MMUT: variants seen among roughly 807,000 people sequenced by gnomAD.
MMUT encodes methylmalonyl-CoA mutase, also known as methylmalonyl-CoA mutase, mitochondrial.
A neutral mutation model predicts 79.9 loss-of-function variants in MMUT; 79 were observed. The observed-to-expected ratio is 0.99, with a 90% CI of 0.82 to 1.19. MMUT has a LOEUF of 1.19. Ranked by LOEUF, MMUT falls within the 50% of genes most tolerant of loss-of-function variation. The probability of loss-of-function intolerance (pLI) is 0.00; values close to 1 mark genes in which losing one functional copy is unlikely to be tolerated. For synonymous variants in MMUT, 273 were observed against 295.7 expected (o/e 0.92, Z 0.79); for missense variants, 860 against 917.2 (o/e 0.94, Z 0.81).
intron 4 of MMUT, among the ~76,000 whole-genome samples, chr6:49,455,167 T>C (rs1767655656): frequency 1.3e-5 from 2 of 152,100 alleles, no homozygotes; most frequent in African/African-American, 4.8e-5. Flanking sequence ...ATCATTGTTT[T>C]ACATTTTTGC....
In MMUT at chr6:49,431,461, A is replaced by G. The variant is rs1766969886; in HGVS notation, c.*267T>C. On this transcript the variant is annotated 3_prime_UTR_variant, in exon 13 of 13. Transcript: ENST00000274813. ...TAAATACATCACCATGATTTTTAAA[A>G]ATAATACCATTGTCCAGAGTTCTTG... is the stretch of plus-strand genomic sequence containing the variant. The G allele has an allele frequency of 1.7e-5, 4 of 232,398 alleles. No homozygotes were observed. The East Asian group carries it at 3.8e-4, about 22-fold the overall frequency. 14.4% of individuals were successfully genotyped at this position (232,398 alleles called of 1,614,324 possible).
Position 49,441,487 on chromosome 6 carries a change from AGG to A in MMUT, c.1808+351_1808+352del, listed in dbSNP as rs1767272005. On this transcript the variant is annotated intron_variant, in intron 10 of 12. Coordinates refer to ENST00000274813, the MANE Select transcript of MMUT (RefSeq NM_000255.4). The stretch of plus-strand genomic sequence containing the variant: ...TCTGTTTGACATGAGAAACTCCTGA[AGG>A]GGACTATGGTGAAAGTTCAAAATAG... 4.0e-5 allele frequency among the ~76,000 whole-genome samples: 6 copies of A among 151,744 alleles called. 1 individual carries two copies. The South Asian group carries it at 1.2e-3, about 31-fold the overall frequency.
chr6:49,462,482 A>C (rs1372509656), intron 1 of MMUT, among the ~76,000 whole-genome samples: 2 of 152,220 alleles, frequency 1.3e-5, no homozygotes, highest in Non-Finnish European at 2.9e-5. Flanking sequence ...GAAAATCATC[A>C]AGTGGTTTAA....
At chr6:49,438,999 C>G (rs1263243841) in intron 11 of MMUT, among the ~76,000 whole-genome samples, 1 of 152,020 alleles carries the variant, frequency 6.6e-6, no homozygotes, top group African/African-American at 2.4e-5. Flanking sequence ...TAATAAACTC[C>G]CCCTTACATA....
intron 12 of MMUT, among the ~76,000 whole-genome samples, chr6:49,432,985 T>C (rs1767026163): frequency 6.6e-6 from 1 of 152,200 alleles, no homozygotes. Flanking sequence ...CTCTATTATA[T>C]ACTTGTAATA....
chr6:49,440,318 G>A lies in MMUT; in HGVS notation c.1844C>T (p.Pro615Leu), dbSNP rs1554158777. ...HKFMEREGRR[P>L]RLLVAKMGQD... ...TCCCATTTTTGCTACAAGAAGACGA[G>A]GTCTGCGACCTTCACGTTCCATGAA... The change falls in exon 11 of 13, where the codon CCT becomes CTT. Residue 615 changes from proline to leucine, a missense_variant. Transcript: ENST00000274813. 6.2e-7 allele frequency: 1 copy of A among 1,613,854 alleles called. No homozygotes were observed. Among genetic ancestry groups the A allele is most frequent in the South Asian group, 1.1e-5 (1 of 91,070 alleles).
chr6:49,458,360 G>T (rs1435424631), intron 2 of MMUT, among the ~76,000 whole-genome samples: 2 of 152,114 alleles, frequency 1.3e-5, no homozygotes, highest in Non-Finnish European at 1.5e-5. Flanking sequence ...GTACTTGATT[G>T]AAATATTTCT....
rs558202303 is a variant in MMUT, at chr6:49,433,652, C to T, written c.2125-1796G>A. On this transcript the variant is annotated intron_variant, in intron 12 of 12. Coordinates refer to ENST00000274813, the MANE Select transcript of MMUT (RefSeq NM_000255.4). ...AGAAAATACTGATCGTAGTAACATA[C>T]TGATGAGGAGAGACCACGTTTATTC... Among the ~76,000 whole-genome samples, 5 of 152,250 alleles carry T rather than the reference C, an allele frequency of 3.3e-5. No homozygotes were observed. The East Asian group carries it at 7.7e-4, about 24-fold the overall frequency.
chr6:49,454,237 C>T (rs1254428824), intron 4 of MMUT, among the ~76,000 whole-genome samples: 1 of 152,168 alleles, frequency 6.6e-6, no homozygotes, highest in Non-Finnish European at 1.5e-5. Context: ...ATATTCTGTG[C>T]TGATTTAAAC....
Position 49,453,781 on chromosome 6 carries a change from A to G in MMUT, c.912-25T>C. On this transcript the variant is annotated intron_variant, in intron 4 of 12. Coordinates refer to ENST00000274813, the MANE Select transcript of MMUT (RefSeq NM_000255.4). Reference sequence around the variant, plus strand: ...CCTAAAATAGTAACGTTAGGTCCAGAATTTAATTAAAGTTAACAATATAGA... The same window carrying G: ...CCTAAAATAGTAACGTTAGGTCCAGGATTTAATTAAAGTTAACAATATAGA... 5 of 1,583,250 alleles carry G rather than the reference A, an allele frequency of 3.2e-6. No individual in the cohort carries two copies. The South Asian group carries it at 4.4e-5, about 14-fold the overall frequency.
intron 10 of MMUT, among the ~76,000 whole-genome samples, chr6:49,441,552 T>A (rs1767273290): frequency 6.6e-6 from 1 of 150,452 alleles, no homozygotes; most frequent in Non-Finnish European, 1.5e-5. Flanking sequence ...TTTCAATATT[T>A]GATATTTATT....
chr6:49,456,002 A>T (rs560761461), intron 4 of MMUT, 78 bp downstream of exon 4: 1 of 1,220,180 alleles, frequency 8.2e-7, no homozygotes, highest in East Asian at 2.6e-5. Flanking sequence ...TTATATTTAT[A>T]AATTCATTTT....
intron 9 of MMUT, 78 bp from the exon 10 acceptor site, chr6:49,442,049 A>G: frequency 7.0e-7 from 1 of 1,424,414 alleles, no homozygotes; most frequent in Non-Finnish European, 9.8e-7. Flanking sequence ...ATTCAATATA[A>G]TTAAACATTT....
At chr6:49,453,894 G>T (rs9395492) in intron 4 of MMUT, 138 bp from the exon 5 acceptor site, 6 of 721,588 alleles carry the variant, frequency 8.3e-6, no homozygotes, top group South Asian at 7.1e-5. Context: ...TAAGATCAGT[G>T]CACGTACATT....
intron 2 of MMUT, 59 bp downstream of exon 2, chr6:49,459,023 T>TA (rs1345845140): frequency 1.2e-5 from 18 of 1,539,592 alleles, no homozygotes; most frequent in African/African-American, 1.4e-5. Flanking sequence ...CCCCAAAAAA[T>TA]AAAAAACTAG....
chr6:49,449,063 GAATT>G (rs1376064654), intron 6 of MMUT, 136 bp from the exon 7 acceptor site: 4 of 503,488 alleles, frequency 7.9e-6, no homozygotes, highest in African/African-American at 4.0e-5. Flanking sequence ...CATAAGAACA[GAATT>G]AAATAAACAT....
chr6:49,430,967 A>T lies in MMUT; in HGVS notation c.*761T>A, dbSNP rs965039490. ...ATCTGGAAAGTTGAATTCTTTCTAT[A>T]TCACAGACCTACACTCACAGTTGAC... On this transcript the variant is annotated 3_prime_UTR_variant, in exon 13 of 13. Transcript: ENST00000274813. 6.6e-6 allele frequency: 1 copy of T among 151,934 alleles called. No homozygotes were observed. Among genetic ancestry groups the T allele is most frequent in the African/African-American group, 2.4e-5 (1 of 41,328 alleles). The allele number at this position is 151,934 out of a possible 1,614,324, so 9.4% of individuals were successfully genotyped here. A position where few individuals can be genotyped will look rare whatever the true frequency, so the allele number is the denominator to read the frequency against.
At chr6:49,448,719 T>A (rs1767472798) in intron 7 of MMUT, 97 bp downstream of exon 7, 3 of 1,032,626 alleles carry the variant, frequency 2.9e-6, no homozygotes, top group Non-Finnish European at 4.5e-6. Context: ...CCATTTTTCA[T>A]TATTTTTGTT....
At chr6:49,448,617 A>G (rs1052994108) in intron 7 of MMUT, among the ~76,000 whole-genome samples, 199 bp downstream of exon 7, 5 of 152,136 alleles carry the variant, frequency 3.3e-5, no homozygotes, top group African/African-American at 1.2e-4. Flanking sequence ...ATCCACACAC[A>G]CTTTGTACAT....
Sources: gnomAD v4.1 joint callset for allele counts (sites outside exome capture counted in the v4.1 genomes callset) on GRCh38, gnomAD v4.1.1 for gene constraint, MANE v1.5 for transcripts, NCBI Gene and HGNC (gene_info 2026-07-23, HGNC 2026-07-21) for gene names.